The following STXBP5L variants were observed in gnomAD, a reference collection of about 807,000 sequenced individuals.
STXBP5L encodes the protein syntaxin binding protein 5L, also known as syntaxin-binding protein 5-like.
STXBP5L carries 65 observed loss-of-function variants against 144.5 expected under a neutral mutation model. That is an observed-to-expected ratio of 0.45 (90% CI 0.37 to 0.55). The LOEUF (loss-of-function observed/expected upper bound fraction) is 0.55. Among genes scored for constraint, STXBP5L ranks in the 20% least tolerant of loss-of-function variants. STXBP5L has a pLI of 0.00. For synonymous variants in STXBP5L, 505 were observed against 469.6 expected (o/e 1.08, Z -0.97); for missense variants, 1,298 against 1,405.5 (o/e 0.92, Z 1.22).
chr3:121,175,417 G>T (rs1284767424), intron 9 of STXBP5L, among the ~76,000 whole-genome samples: 1 of 152,056 alleles, frequency 6.6e-6, no homozygotes, highest in Non-Finnish European at 1.5e-5. Context: ...CATATCTCTT[G>T]TCCTGTACAT....
rs560074835 is a variant in STXBP5L, at chr3:121,014,608, A to G, written c.288-27092A>G. Among the ~76,000 whole-genome samples the G allele has an allele frequency of 5.6e-5, 7 of 124,222 alleles. No individual in the cohort carries two copies. The South Asian group carries it at 7.4e-4, about 13-fold the overall frequency. 81.5% of individuals were successfully genotyped at this position (124,222 alleles called of 152,430 possible). On this transcript the variant is annotated intron_variant, in intron 3 of 26. Transcript: ENST00000471454. Reference sequence around the variant, plus strand: ...CTTTTGGCTATTATGAATACCAAACATTAGGTGTCTTATGGCAAATATATA... The same window carrying G: ...CTTTTGGCTATTATGAATACCAAACGTTAGGTGTCTTATGGCAAATATATA...
chr3:120,968,881 A>G (rs1418961497), intron 3 of STXBP5L, among the ~76,000 whole-genome samples: 1 of 152,070 alleles, frequency 6.6e-6, no homozygotes, highest in Non-Finnish European at 1.5e-5. Flanking sequence ...GCATTATGTC[A>G]TTCCTTTTTA....
At chr3:121,411,853 A>G (rs145584327) in intron 23 of STXBP5L, among the ~76,000 whole-genome samples, 1 of 152,118 alleles carries the variant, frequency 6.6e-6, no homozygotes, top group African/African-American at 2.4e-5. Flanking sequence ...TTTTGCCTTA[A>G]AGAAAGACAA....
chr3:121,150,338 T>C (rs1211199442), intron 7 of STXBP5L, among the ~76,000 whole-genome samples: 1 of 152,118 alleles, frequency 6.6e-6, no homozygotes, highest in Non-Finnish European at 1.5e-5. Flanking sequence ...GCATTGTTCC[T>C]GTTTTGGTGT....
intron 3 of STXBP5L, among the ~76,000 whole-genome samples, chr3:121,030,260 A>G (rs1018359868): frequency 3.5e-4 from 54 of 152,334 alleles, no homozygotes; most frequent in Middle Eastern, 3.4e-3. Context: ...TCACAATAGC[A>G]AAGACTCGGA....
chr3:120,996,522 T>C (rs1943362367), intron 3 of STXBP5L, among the ~76,000 whole-genome samples: 1 of 152,128 alleles, frequency 6.6e-6, no homozygotes. Context: ...ACAGTATTAG[T>C]AGCTATAGTC....
At chr3:121,185,228 T>C (rs2047326998) in intron 9 of STXBP5L, among the ~76,000 whole-genome samples, 1 of 152,240 alleles carries the variant, frequency 6.6e-6, no homozygotes. Flanking sequence ...TTGCAAAAAT[T>C]GTCTCCCATT....
chr3:120,947,176 G>A (rs1376382857), intron 2 of STXBP5L, among the ~76,000 whole-genome samples: 1 of 151,728 alleles, frequency 6.6e-6, no homozygotes, highest in Non-Finnish European at 1.5e-5. Context: ...TACTAGCTTT[G>A]CTACCATTAT....
At chr3:121,280,230 TAAG>T (rs933953239) in intron 19 of STXBP5L, among the ~76,000 whole-genome samples, 1 of 151,734 alleles carries the variant, frequency 6.6e-6, no homozygotes, top group Admixed American at 6.6e-5. Flanking sequence ...TAACAGAAAA[TAAG>T]AAGCTATTAA....
intron 20 of STXBP5L, among the ~76,000 whole-genome samples, chr3:121,323,444 A>G (rs2044043311): frequency 6.6e-6 from 1 of 152,230 alleles, no homozygotes; most frequent in South Asian, 2.1e-4. Flanking sequence ...CAGATAAAAT[A>G]GAGTGAGGGT....
At chr3:121,387,784 C>T (rs1322391258) in intron 22 of STXBP5L, among the ~76,000 whole-genome samples, 3 of 152,138 alleles carry the variant, frequency 2.0e-5, no homozygotes, top group Non-Finnish European at 4.4e-5. Context: ...GGTACCAGTA[C>T]CATGCTGTTT....
intron 22 of STXBP5L, among the ~76,000 whole-genome samples, chr3:121,406,205 T>C (rs1335079281): frequency 2.0e-5 from 3 of 152,052 alleles, no homozygotes; most frequent in Admixed American, 2.0e-4. Context: ...TATACATTTA[T>C]AGATTTCTTA....
In STXBP5L at chr3:121,062,405, C is replaced by G. The variant is rs553175642; in HGVS notation, c.470+16870C>G. Among the ~76,000 whole-genome samples, 84 of 152,292 alleles carry G rather than the reference C, an allele frequency of 5.5e-4. 1 individual carries two copies. Among genetic ancestry groups the G allele is most frequent in the African/African-American group, 2.0e-3 (82 of 41,564 alleles). On this transcript the variant is annotated intron_variant, in intron 5 of 26. Coordinates refer to ENST00000471454, the MANE Select transcript of STXBP5L (RefSeq NM_001308330.2). Reference sequence around the variant, plus strand: ...TCCCTTTGTGGCTAACCTGACCTTTCTCAGTGGCTGAAGGAAAAATGTTAA... The same window carrying G: ...TCCCTTTGTGGCTAACCTGACCTTTGTCAGTGGCTGAAGGAAAAATGTTAA...
At chr3:121,047,617 T>G (rs1947611883) in intron 5 of STXBP5L, among the ~76,000 whole-genome samples, 2 of 152,160 alleles carry the variant, frequency 1.3e-5, no homozygotes, top group Admixed American at 1.3e-4. Flanking sequence ...TGTCCTTCCT[T>G]GTCTTTTTTG....
At chr3:121,118,824 A>G (rs73189340) in intron 6 of STXBP5L, among the ~76,000 whole-genome samples, 5,389 of 151,686 alleles carry the variant, frequency 0.036, 144 homozygotes, top group Middle Eastern at 0.082. Flanking sequence ...ATGGTGTACA[A>G]TGGTGCCATT....
In STXBP5L at chr3:121,100,948, A is replaced by G. The variant is rs151103786; in HGVS notation, c.471-13977A>G. Among the ~76,000 whole-genome samples the G allele has an allele frequency of 1.1e-3, 167 of 152,178 alleles. 2 individuals are homozygous for G. The highest frequency in any genetic ancestry group is 3.9e-3 in the African/African-American group (163 of 41,592). The stretch of plus-strand genomic sequence containing the variant: ...CCCACAAAAACATAAAATATCCTCC[A>G]AGACTGCTATGAACACCTCTATGCA... On this transcript the variant is annotated intron_variant, in intron 5 of 26. Transcript: ENST00000471454.
At chr3:120,960,028 G>C (rs1460988196) in intron 3 of STXBP5L, among the ~76,000 whole-genome samples, 1 of 152,030 alleles carries the variant, frequency 6.6e-6, no homozygotes, top group Non-Finnish European at 1.5e-5. Context: ...CTAATATCCA[G>C]AATCTACAAA....
At chr3:121,184,577 A>G (rs2047293206) in intron 9 of STXBP5L, among the ~76,000 whole-genome samples, 1 of 152,100 alleles carries the variant, frequency 6.6e-6, no homozygotes, top group African/African-American at 2.4e-5. Flanking sequence ...AAAAGACCAA[A>G]TCTACATTTG....
chr3:121,236,599 G>A (rs531370566), intron 12 of STXBP5L, among the ~76,000 whole-genome samples: 59 of 152,316 alleles, frequency 3.9e-4, no homozygotes, highest in African/African-American at 1.3e-3. Context: ...CTTAAGGGAA[G>A]ACATTAATCT....
Sources: gnomAD v4.1 joint callset for allele counts (sites outside exome capture counted in the v4.1 genomes callset) on GRCh38, gnomAD v4.1.1 for gene constraint, MANE v1.5 for transcripts, NCBI Gene and HGNC (gene_info 2026-07-23, HGNC 2026-07-21) for gene names.